Variants in SLC43A3 observed in about 807,000 individuals in gnomAD.
SLC43A3 encodes the protein equilibrative nucleobase transporter 1.
Under a neutral mutation model 53.3 loss-of-function variants are expected in SLC43A3, and 33 were observed. That is an observed-to-expected ratio of 0.62 (90% confidence interval 0.47 to 0.83). The LOEUF is 0.83. Among genes scored for constraint, SLC43A3 ranks in the 40% least tolerant of loss-of-function variants. The pLI is 0.00. For missense variants in SLC43A3, 530 were observed against 610.0 expected, an observed-to-expected ratio of 0.87 and a Z score of 1.38; for synonymous variants, 236 against 246.2, an observed-to-expected ratio of 0.96 and a Z score of 0.39.
chr11:57,425,902 G>T, intron 3 of SLC43A3, 87 bp downstream of exon 3: 1 of 1,410,624 alleles, frequency 7.1e-7, no homozygotes. Flanking sequence ...AGAAAGAGGG[G>T]TGGGCAGGGG....
chr11:57,413,528 GCTTTGAAAA>G (rs1251685275), intron 11 of SLC43A3, among the ~76,000 whole-genome samples: 65 of 152,278 alleles, frequency 4.3e-4, no homozygotes, highest in Non-Finnish European at 4.3e-4. Context: ...TCTGAGATTT[GCTTTGAAAA>G]CTCTAGCAGG....
rs538110226 is a variant in SLC43A3 at position 57,409,851 on chromosome 11, G to A, written c.1247+84C>T. ...CCGCACCTGACTGCCTCCAGGCCCC[G>A]CCTTGCCTCCCAATTTCTTTACCTC... On this transcript the variant is annotated intron_variant, in intron 12 of 13. Transcript: ENST00000395124. 1.8e-4 allele frequency: 237 copies of A among 1,347,006 alleles called. No homozygotes were observed. The East Asian group carries it at 4.8e-3, about 27-fold the overall frequency. The allele number at this position is 1,347,006 out of a possible 1,614,324, so 83.4% of individuals were successfully genotyped here.
At chr11:57,418,384 A>G (rs527495721) in intron 7 of SLC43A3, among the ~76,000 whole-genome samples, 2 of 152,198 alleles carry the variant, frequency 1.3e-5, no homozygotes, top group South Asian at 4.2e-4. Flanking sequence ...ATGCTGCAAC[A>G]TGGATGAACT....
Position 57,426,163 on chromosome 11 carries a change from G to GA in SLC43A3, c.9_10insT (p.Gln4SerfsTer37), listed in dbSNP as rs748183729. 18 of 1,613,764 alleles carry GA rather than the reference G, an allele frequency of 1.1e-5. No individual in the cohort carries two copies. In the African/African-American group the frequency reaches 2.3e-4, roughly 20 times the overall value. On this transcript the variant is annotated frameshift_variant, in exon 3 of 14. Coordinates refer to ENST00000395124, the MANE Select transcript of SLC43A3 (RefSeq NM_199329.3). LOFTEE classifies it high-confidence loss of function. ...GTGGCCACGTGCAGGGGCAGGCCCT[G>GA]GCCCGCCATGAGCAGAAGTGGAGTG... is the stretch of plus-strand genomic sequence containing the variant.
At chr11:57,411,965 TTAAG>T (rs930104758) in intron 11 of SLC43A3, among the ~76,000 whole-genome samples, 4 of 152,038 alleles carry the variant, frequency 2.6e-5, no homozygotes, top group South Asian at 2.1e-4. Context: ...AATATCAGTA[TTAAG>T]TATTTATGAT....
chr11:57,427,407 CCTAGGGAAAATGTCACACCCAG>C (rs1204787551), upstream of SLC43A3: 48 of 152,878 alleles, frequency 3.1e-4, no homozygotes, highest in African/African-American at 1.2e-3. Flanking sequence ...CTCAGGCCCA[CCTAGGGAAAATGTCACACCCAG>C]CACCCAGAGG....
chr11:57,417,082 T>C (rs181231910), intron 8 of SLC43A3, among the ~76,000 whole-genome samples: 116 of 152,348 alleles, frequency 7.6e-4, no homozygotes, highest in South Asian at 1.4e-3. Context: ...AGAGAGCACA[T>C]GGGGTCTGAC....
At chr11:57,419,349 G>A (rs182183059) in intron 7 of SLC43A3, among the ~76,000 whole-genome samples, 65 of 152,222 alleles carry the variant, frequency 4.3e-4, no homozygotes, top group African/African-American at 1.3e-3. Flanking sequence ...GAAAACCACC[G>A]ACCTAGCCCA....
intron 4 of SLC43A3, among the ~76,000 whole-genome samples, chr11:57,424,602 A>T (rs2135070185): frequency 6.6e-6 from 1 of 152,010 alleles, no homozygotes; most frequent in East Asian, 1.9e-4. Flanking sequence ...GGGGTCTTGT[A>T]AGGCATGGAG....
Position 57,407,701 on chromosome 11 carries a change from G to C in SLC43A3, c.*91C>G. The stretch of plus-strand genomic sequence containing the variant: ...TGTGTGTGTGTGTGTGTTTTGCTGG[G>C]ATAGGCAAAGTCTTTTGGGACACGA... On this transcript the variant is annotated 3_prime_UTR_variant, in exon 14 of 14. Transcript: ENST00000395124. 1 of 699,004 alleles carries C rather than the reference G, an allele frequency of 1.4e-6. No individual in the cohort carries two copies. Among genetic ancestry groups the C allele is most frequent in the South Asian group, 1.7e-5 (1 of 59,098 alleles). The allele number at this position is 699,004 out of a possible 1,614,324, so 43.3% of individuals were successfully genotyped here.
chr11:57,407,744 G>C lies in SLC43A3; in HGVS notation c.*48C>G, dbSNP rs371888886. 44 of 1,191,298 alleles carry C rather than the reference G, an allele frequency of 3.7e-5. No individual in the cohort carries two copies. The highest frequency in any genetic ancestry group is 4.9e-5 in the Non-Finnish European group (39 of 798,846). 73.8% of individuals were successfully genotyped at this position (1,191,298 alleles called of 1,614,324 possible). A position where few individuals can be genotyped will look rare whatever the true frequency, so the allele number is the denominator to read the frequency against. On this transcript the variant is annotated 3_prime_UTR_variant, in exon 14 of 14. Coordinates refer to ENST00000395124, the MANE Select transcript of SLC43A3 (RefSeq NM_199329.3). Reference sequence around the variant, plus strand: ...GGACACGAGGTCCTCAAAGGTGGTGGAAGATGAACAAAACCATCCTCGGGG... The same window carrying C: ...GGACACGAGGTCCTCAAAGGTGGTGCAAGATGAACAAAACCATCCTCGGGG...
intron 5 of SLC43A3, among the ~76,000 whole-genome samples, chr11:57,421,705 T>C (rs1247210003): frequency 2.2e-4 from 34 of 152,160 alleles, no homozygotes; most frequent in Admixed American, 2.0e-3. Flanking sequence ...CCTTTCATCC[T>C]TGACACTCCT....
intron 5 of SLC43A3, among the ~76,000 whole-genome samples, chr11:57,421,928 G>A (rs1353725876): frequency 6.6e-6 from 1 of 152,226 alleles, no homozygotes; most frequent in Admixed American, 6.5e-5. Context: ...CAGGCATTGT[G>A]CTTGGCACTG....
At position 57,423,990 on chromosome 11, in the gene SLC43A3, G is replaced by T. The variant is rs757368612; in HGVS notation, c.353C>A (p.Thr118Asn). The T allele has an allele frequency of 1.9e-6, 3 of 1,614,058 alleles. No homozygotes were observed. The African/African-American group carries it at 4.0e-5, about 22-fold the overall frequency. Residue 118 changes from threonine to asparagine, a missense_variant, in exon 5 of 14, where the codon ACC becomes AAC. Physicochemically the swap from Thr to Asn is moderately conservative, Grantham distance 65. Coordinates refer to ENST00000395124, the MANE Select transcript of SLC43A3 (RefSeq NM_199329.3). ...CACCTGACAGCACTCACCTGCAGAG[G>T]TGAAGGCTATGATGAGTGTGGCGGT... ...YTTATLIIAF[T>N]SAGSAVLLFL...
rs188271735 is a variant in SLC43A3 at position 57,413,790 on chromosome 11, C to T, written c.1060+825G>A. ...CCAGTGCTCTGTGCCCTAGCCAGCCCGACTCATCTGCCCAGATTCCTCAAT... is the reference window on the plus strand; with the variant it reads ...CCAGTGCTCTGTGCCCTAGCCAGCCTGACTCATCTGCCCAGATTCCTCAAT... On this transcript the variant is annotated intron_variant, in intron 11 of 13. Coordinates refer to ENST00000395124, the MANE Select transcript of SLC43A3 (RefSeq NM_199329.3). 5.7e-3 allele frequency among the ~76,000 whole-genome samples: 864 copies of T among 152,258 alleles called. 8 individuals are homozygous for T. The highest frequency in any genetic ancestry group is 0.02 in the Middle Eastern group (6 of 294).
intron 12 of SLC43A3, among the ~76,000 whole-genome samples, chr11:57,409,634 G>A (rs1438600341): frequency 6.6e-6 from 1 of 152,210 alleles, no homozygotes; most frequent in African/African-American, 2.4e-5. Context: ...GCACAAAGAA[G>A]GGAAGACACT....
At chr11:57,417,073 G>A (rs1942756465) in intron 8 of SLC43A3, among the ~76,000 whole-genome samples, 1 of 152,238 alleles carries the variant, frequency 6.6e-6, no homozygotes, top group South Asian at 2.1e-4. Flanking sequence ...GATGAAATCA[G>A]AGAGCACATG....
chr11:57,423,939 G>A (rs777142897), intron 5 of SLC43A3, 43 bp downstream of exon 5: 26 of 1,595,302 alleles, frequency 1.6e-5, no homozygotes, highest in Non-Finnish European at 2.0e-5. Flanking sequence ...GCCACCAGGT[G>A]CCTCTGAGCT....
At chr11:57,422,930 A>G (rs372831268) in intron 5 of SLC43A3, among the ~76,000 whole-genome samples, 6 of 152,232 alleles carry the variant, frequency 3.9e-5, no homozygotes, top group Admixed American at 2.6e-4. Context: ...GAGTGCAGAC[A>G]ATCTCATGAT....
Sources: allele counts gnomAD v4.1 joint callset (sites outside exome capture counted in the v4.1 genomes callset), GRCh38; gene constraint gnomAD v4.1.1; transcripts MANE v1.5; gene names NCBI Gene and HGNC (gene_info 2026-07-23, HGNC 2026-07-21).